Variants in ARHGAP24 observed in about 807,000 individuals in gnomAD.
ARHGAP24 encodes Rho GTPase activating protein 24.
Under a neutral mutation model 76.4 loss-of-function variants are expected in ARHGAP24, and 50 were observed. The ratio of observed to expected loss-of-function variants is 0.65; its 90% confidence interval spans 0.52 to 0.83. The LOEUF (loss-of-function observed/expected upper bound fraction) is 0.83. ARHGAP24 is among the 40% of genes least tolerant of loss of function. The probability of loss-of-function intolerance (pLI) is 0.00; values close to 1 mark genes in which losing one functional copy is unlikely to be tolerated. For missense variants in ARHGAP24, 930 were observed against 914.2 expected (o/e 1.02, Z -0.22); for synonymous variants, 345 against 323.3 (o/e 1.07, Z -0.72).
chr4:85,703,024 GA>G (rs1164020407), intron 2 of ARHGAP24, among the ~76,000 whole-genome samples: 1 of 151,440 alleles, frequency 6.6e-6, no homozygotes. Context: ...TTGTGGGAAA[GA>G]ATAGAGAAGA....
intron 1 of ARHGAP24, among the ~76,000 whole-genome samples, chr4:85,533,511 C>T (rs929525805): frequency 6.6e-6 from 1 of 152,144 alleles, no homozygotes; most frequent in African/African-American, 2.4e-5. Flanking sequence ...TGAATTCTCT[C>T]ATATTCCATG....
chr4:85,591,449 C>T lies in ARHGAP24; in HGVS notation c.180+20728C>T, dbSNP rs188145352. On this transcript the variant is annotated intron_variant, in intron 2 of 9. Coordinates refer to ENST00000395184, the MANE Select transcript of ARHGAP24 (RefSeq NM_001025616.3). ...TACTTTTATCAGAAACACACATTTC[C>T]ATCACATTTAGTTTGGAATTAGGGA... Among the ~76,000 whole-genome samples, 36 of 152,230 alleles carry T rather than the reference C, an allele frequency of 2.4e-4. No homozygotes were observed. The East Asian group carries it at 5.8e-3, about 24-fold the overall frequency.
intron 3 of ARHGAP24, among the ~76,000 whole-genome samples, chr4:85,861,566 G>T (rs1297997308): frequency 6.6e-6 from 1 of 152,026 alleles, no homozygotes; most frequent in Non-Finnish European, 1.5e-5. Context: ...CACTGCTTGG[G>T]CATGTTGCCA....
chr4:85,734,636 A>ATTTTTTTT lies in ARHGAP24; in HGVS notation c.268+12680_268+12687dup, dbSNP rs34647342. On this transcript the variant is annotated intron_variant, in intron 3 of 9. Transcript: ENST00000395184. ...GCAGGGGCATGACATAATTCAGGGA[A>ATTTTTTTT]TTTTTTTTTTTTTTTTTTTTTTTAG... Among the ~76,000 whole-genome samples, 32 of 101,952 alleles carry ATTTTTTTT rather than the reference A, an allele frequency of 3.1e-4. 1 individual carries two copies. The highest frequency in any genetic ancestry group is 4.2e-4 in the Non-Finnish European group (22 of 52,830). 66.9% of individuals were successfully genotyped at this position (101,952 alleles called of 152,430 possible). A position where few individuals can be genotyped will look rare whatever the true frequency, so the allele number is the denominator to read the frequency against.
Position 85,995,491 on chromosome 4 carries a change from C to T in ARHGAP24, c.1837C>T (p.His613Tyr). 6.2e-7 allele frequency: 1 copy of T among 1,602,090 alleles called. No homozygotes were observed. Among genetic ancestry groups the T allele is most frequent in the Non-Finnish European group, 8.5e-7 (1 of 1,173,250 alleles). The change falls in exon 9 of 10, where the codon CAC (histidine) becomes TAC (tyrosine). Residue 613 changes from histidine (H) to tyrosine (Y), a missense_variant. His to Tyr is a moderately conservative substitution (Grantham distance 83). Transcript: ENST00000395184. The stretch of plus-strand genomic sequence containing the variant: ...CAGGGACTATGAAAGCAAAAGTGAC[C>T]ACAGGAGTGTGGGAGGTCGAAGTAG... ...HPRDYESKSDHRSVGGRSSRA... is the reference protein window; with the variant it reads ...HPRDYESKSDYRSVGGRSSRA...
intron 2 of ARHGAP24, among the ~76,000 whole-genome samples, chr4:85,680,926 A>T (rs1723180376): frequency 6.6e-6 from 1 of 151,894 alleles, no homozygotes; most frequent in African/African-American, 2.4e-5. Context: ...TTTCTTTTTC[A>T]TATTTTTCTG....
chr4:85,675,780 A>G (rs368813966), intron 2 of ARHGAP24, among the ~76,000 whole-genome samples: 1 of 152,178 alleles, frequency 6.6e-6, no homozygotes, highest in East Asian at 1.9e-4. Flanking sequence ...GACAAAGCAA[A>G]GCTGCCTTAT....
At chr4:85,781,710 G>T (rs1347914773) in intron 3 of ARHGAP24, among the ~76,000 whole-genome samples, 1 of 151,978 alleles carries the variant, frequency 6.6e-6, no homozygotes, top group Non-Finnish European at 1.5e-5. Flanking sequence ...ATGAATTTGG[G>T]ATATGCATAT....
At chr4:85,983,731 G>T (rs1009238001) in intron 8 of ARHGAP24, among the ~76,000 whole-genome samples, 2 of 152,032 alleles carry the variant, frequency 1.3e-5, no homozygotes, top group African/African-American at 4.8e-5. Flanking sequence ...TCCATTCCAT[G>T]CAGTGTCCCT....
Position 86,000,492 on chromosome 4 carries a change from A to C in ARHGAP24, c.2017A>C (p.Asn673His). The C allele has an allele frequency of 6.9e-7, 1 of 1,440,416 alleles. No homozygotes were observed. The highest frequency in any genetic ancestry group is 9.3e-7 in the Non-Finnish European group (1 of 1,071,690). The allele number at this position is 1,440,416 out of a possible 1,614,324, so 89.2% of individuals were successfully genotyped here. A position where few individuals can be genotyped will look rare whatever the true frequency, so the allele number is the denominator to read the frequency against. The change falls in exon 10 of 10, where the codon AAC becomes CAC. Residue 673 changes from asparagine (N) to histidine (H), a missense_variant. Coordinates refer to ENST00000395184, the MANE Select transcript of ARHGAP24 (RefSeq NM_001025616.3). ...CATCCTTTGTAGCTTAGAACAGCGA[A>C]ACTTGACTTTGGAAACAGAAATGAT... ...ESRIKSLEQR[N>H]LTLETEMMSL... is the part of the protein sequence containing the mutation.
chr4:85,487,513 AAC>A (rs1301094001), intron 1 of ARHGAP24, among the ~76,000 whole-genome samples: 1,710 of 109,258 alleles, frequency 0.016, 27 homozygotes, highest in Non-Finnish European at 0.024. Flanking sequence ...ATATTATATA[AAC>A]ATATATTTAT....
chr4:85,526,385 G>A (rs1014871617), intron 1 of ARHGAP24, among the ~76,000 whole-genome samples: 2 of 145,946 alleles, frequency 1.4e-5, no homozygotes, highest in African/African-American at 5.1e-5. Flanking sequence ...GGGCGACAGA[G>A]CAAGACCCTG....
At chr4:85,597,127 ATG>A (rs1719869065) in intron 2 of ARHGAP24, among the ~76,000 whole-genome samples, 1 of 152,114 alleles carries the variant, frequency 6.6e-6, no homozygotes, top group Non-Finnish European at 1.5e-5. Context: ...TTCTGTAGAC[ATG>A]TGTTACTTTC....
At chr4:85,631,123 A>T (rs1721144312) in intron 2 of ARHGAP24, among the ~76,000 whole-genome samples, 1 of 152,200 alleles carries the variant, frequency 6.6e-6, no homozygotes, top group African/African-American at 2.4e-5. Context: ...TGGGTTCTGC[A>T]TCATACTTTG....
intron 3 of ARHGAP24, among the ~76,000 whole-genome samples, chr4:85,902,798 T>C (rs1229642746): frequency 6.6e-6 from 1 of 152,174 alleles, no homozygotes; most frequent in Non-Finnish European, 1.5e-5. Context: ...AAGACGAGTT[T>C]TTGCCATGTT....
chr4:85,641,075 T>C (rs981390210), intron 2 of ARHGAP24, among the ~76,000 whole-genome samples: 1 of 152,124 alleles, frequency 6.6e-6, no homozygotes, highest in Non-Finnish European at 1.5e-5. Context: ...TTAAAGAAAG[T>C]TAATAACTTG....
chr4:85,975,574 C>T (rs1449092881), intron 7 of ARHGAP24: 1 of 152,896 alleles, frequency 6.5e-6, no homozygotes, highest in Non-Finnish European at 1.5e-5. Context: ...GAAAATATAC[C>T]TCTCAATGTA....
At chr4:85,950,268 G>A (rs1370302259) in intron 5 of ARHGAP24, among the ~76,000 whole-genome samples, 1 of 152,090 alleles carries the variant, frequency 6.6e-6, no homozygotes, top group Non-Finnish European at 1.5e-5. Flanking sequence ...CGAAGTGGGA[G>A]GATCCCTTAA....
intron 2 of ARHGAP24, among the ~76,000 whole-genome samples, chr4:85,640,625 A>T (rs951869814): frequency 1.6e-4 from 25 of 152,226 alleles, no homozygotes; most frequent in Non-Finnish European, 3.1e-4. Context: ...CCTAGGTTTC[A>T]TATTGCTTTT....
Sources: allele counts gnomAD v4.1 joint callset (sites outside exome capture counted in the v4.1 genomes callset), GRCh38; gene constraint gnomAD v4.1.1; transcripts MANE v1.5; gene names NCBI Gene and HGNC (gene_info 2026-07-23, HGNC 2026-07-21).